The following MTUS1 variants were observed in gnomAD, a reference collection of about 807,000 sequenced individuals.
MTUS1 encodes microtubule associated scaffold protein 1.
A neutral mutation model predicts 120.8 loss-of-function variants in MTUS1; 109 were observed. That is an observed-to-expected ratio of 0.90 (90% CI 0.77 to 1.06). The LOEUF (loss-of-function observed/expected upper bound fraction) is 1.06. MTUS1 is among the 50% of genes least tolerant of loss of function. The probability of loss-of-function intolerance (pLI) is 0.00; values close to 1 mark genes in which losing one functional copy is unlikely to be tolerated. For synonymous variants in MTUS1, 737 were observed against 550.5 expected, an observed-to-expected ratio of 1.34 and a Z score of -4.74; for missense variants, 2,210 against 1,486.3, an observed-to-expected ratio of 1.49 and a Z score of -8.01.
chr8:17,742,519 C>A (rs2047415360), intron 3 of MTUS1, among the ~76,000 whole-genome samples: 1 of 151,850 alleles, frequency 6.6e-6, no homozygotes. Flanking sequence ...CTGTTTTTCT[C>A]CCAGATGATG....
chr8:17,670,908 A>G (rs903371965), intron 8 of MTUS1, among the ~76,000 whole-genome samples: 1 of 152,204 alleles, frequency 6.6e-6, no homozygotes, highest in East Asian at 1.9e-4. Flanking sequence ...ACAGCATACT[A>G]TATCTTTCCA....
chr8:17,760,891 G>A (rs943379702), intron 1 of MTUS1, among the ~76,000 whole-genome samples: 3 of 149,842 alleles, frequency 2.0e-5, no homozygotes, highest in Non-Finnish European at 4.4e-5. Flanking sequence ...CTACCTACCA[G>A]AACAAAGGTA....
chr8:17,773,640 G>A (rs1489176008), intron 1 of MTUS1, among the ~76,000 whole-genome samples: 1 of 152,118 alleles, frequency 6.6e-6, no homozygotes. Flanking sequence ...TGCCAGCTCA[G>A]GTCTCTCTTC....
At chr8:17,721,574 A>C in intron 4 of MTUS1, 2 of 1,070,718 alleles carry the variant, frequency 1.9e-6, no homozygotes, top group Non-Finnish European at 2.6e-6. Context: ...TTAAATATAC[A>C]TACAAAATGC....
intron 8 of MTUS1, among the ~76,000 whole-genome samples, chr8:17,661,566 T>C (rs1424332155): frequency 6.6e-6 from 1 of 151,968 alleles, no homozygotes; most frequent in Non-Finnish European, 1.5e-5. Context: ...TTGTGGCACA[T>C]CAGCCTTTAA....
At chr8:17,696,979 C>A (rs1209586289) in intron 6 of MTUS1, among the ~76,000 whole-genome samples, 2 of 152,154 alleles carry the variant, frequency 1.3e-5, no homozygotes, top group Admixed American at 6.6e-5. Context: ...CTGATTTTCA[C>A]ACATTTGGCT....
Position 17,645,878 on chromosome 8 carries a change from G to T in MTUS1, c.*48C>A. The T allele has an allele frequency of 2.5e-6, 4 of 1,577,102 alleles. No homozygotes were observed. In the South Asian group the frequency reaches 3.5e-5, roughly 14 times the overall value. On this transcript the variant is annotated 3_prime_UTR_variant, in exon 15 of 15. Transcript: ENST00000693296. ...GTTCCTCCTTGGGGTCAGTCCTGCA[G>T]ACCTGCATCAAAATGCTTTCAGAGA...
chr8:17,749,640 G>T (rs1315697284), intron 2 of MTUS1, among the ~76,000 whole-genome samples: 1 of 149,160 alleles, frequency 6.7e-6, no homozygotes, highest in Non-Finnish European at 1.5e-5. Flanking sequence ...CCCCAGCCTG[G>T]GCAACAGAGA....
At chr8:17,692,259 C>T (rs189672768) in intron 6 of MTUS1, 1 of 152,152 alleles carries the variant, frequency 6.6e-6, no homozygotes, top group Non-Finnish European at 1.5e-5. Context: ...CCTTCCAGGT[C>T]GAGTCATGTG....
intron 7 of MTUS1, chr8:17,676,268 C>G (rs1325810857): frequency 1.4e-6 from 1 of 703,064 alleles, no homozygotes. Flanking sequence ...TAAACAAATA[C>G]TAATTACCCT....
chr8:17,679,502 TATTTA>T (rs1563188352), intron 7 of MTUS1, among the ~76,000 whole-genome samples: 52 of 99,652 alleles, frequency 5.2e-4, no homozygotes, highest in African/African-American at 1.3e-3. Flanking sequence ...TTTATTTATT[TATTTA>T]TTTATTTATT....
chr8:17,710,570 C>A (rs750444325), intron 6 of MTUS1, among the ~76,000 whole-genome samples: 1 of 152,258 alleles, frequency 6.6e-6, no homozygotes, highest in African/African-American at 2.4e-5. Context: ...CACTGAAGCA[C>A]TGAACCCCTC....
chr8:17,674,752 G>A (rs1226064228), intron 8 of MTUS1: 3 of 997,142 alleles, frequency 3.0e-6, no homozygotes, highest in Non-Finnish European at 3.6e-6. Context: ...TTCATGGACA[G>A]CATCCTTTCA....
chr8:17,652,081 T>G (rs559001855), intron 12 of MTUS1, among the ~76,000 whole-genome samples: 2 of 152,268 alleles, frequency 1.3e-5, no homozygotes, highest in South Asian at 2.1e-4. Context: ...GGCCAGAGAT[T>G]TGAAGTGGAG....
intron 6 of MTUS1, among the ~76,000 whole-genome samples, chr8:17,704,337 G>A (rs1819715163): frequency 6.6e-6 from 1 of 152,010 alleles, no homozygotes; most frequent in Admixed American, 6.6e-5. Flanking sequence ...TGGGCTTTTG[G>A]TGTCATACCA....
At position 17,668,623 on chromosome 8, in the gene MTUS1, T is replaced by A. The variant is rs559040559; in HGVS notation, c.2905+6563A>T. Among the ~76,000 whole-genome samples, 51 of 152,314 alleles carry A rather than the reference T, an allele frequency of 3.3e-4. 2 individuals carry two copies. In the South Asian group the frequency reaches 4.8e-3, roughly 14 times the overall value. On this transcript the variant is annotated intron_variant, in intron 8 of 14. Transcript: ENST00000693296. ...ATGACTATGCATTCCTAAAGGACAA[T>A]TATCTTTTCTTTTCAAGATGTGGAT...
Position 17,755,406 on chromosome 8 carries a change from TGG to T in MTUS1, c.400_401del (p.Pro134IlefsTer9). ...LEAVEGQSVE[P>X]SLPFVWKPND... ...TAGGCTTCCACACAAAAGGCAAAGA[TGG>T]CTCAACACTCTGGCCCTCAACTGCT... On this transcript the variant is annotated frameshift_variant, in exon 2 of 15. Transcript: ENST00000693296. LOFTEE classifies it high-confidence loss of function. The T allele has an allele frequency of 6.2e-7, 1 of 1,614,222 alleles. No homozygotes were observed. The highest frequency in any genetic ancestry group is 8.5e-7 in the Non-Finnish European group (1 of 1,180,032).
At chr8:17,768,271 T>C (rs1304667362) in intron 1 of MTUS1, among the ~76,000 whole-genome samples, 1 of 152,200 alleles carries the variant, frequency 6.6e-6, no homozygotes, top group Non-Finnish European at 1.5e-5. Flanking sequence ...AACTAATATG[T>C]GAGCTCAGGA....
rs761607548 is a variant in MTUS1, at chr8:17,755,623, G to A, written c.185C>T (p.Pro62Leu). ...DDMVVDYETD[P>L]AVVTGENISL... ...AATATTTTCACCAGTAACTACAGCA[G>A]GGTCAGTTTCATAATCAACCACCAT... Residue 62 changes from proline (P) to leucine (L), a missense_variant, in exon 2 of 15, where the codon CCT becomes CTT. Physicochemically the swap from Pro to Leu is moderately conservative, Grantham distance 98 (BLOSUM62 -3). Transcript: ENST00000693296. 6.8e-6 allele frequency: 11 copies of A among 1,614,058 alleles called. No individual in the cohort carries two copies. Among genetic ancestry groups the A allele is most frequent in the Middle Eastern group, 1.6e-4 (1 of 6,084 alleles).
Sources: gnomAD v4.1 joint callset for allele counts (sites outside exome capture counted in the v4.1 genomes callset) on GRCh38, gnomAD v4.1.1 for gene constraint, MANE v1.5 for transcripts, NCBI Gene and HGNC (gene_info 2026-07-23, HGNC 2026-07-21) for gene names.